ZSCAN25: variants seen among roughly 807,000 people sequenced by gnomAD.
ZSCAN25 encodes the protein zinc finger and SCAN domain containing 25, also known as zinc finger and SCAN domain-containing protein 25.
Under a neutral mutation model 38.7 loss-of-function variants are expected in ZSCAN25, and 27 were observed. That is an observed-to-expected ratio of 0.70 (90% CI 0.51 to 0.96). The LOEUF is 0.96. ZSCAN25 is among the 40% of genes least tolerant of loss of function. ZSCAN25 has a pLI of 0.00. For missense variants in ZSCAN25, 637 were observed against 705.9 expected, an observed-to-expected ratio of 0.90 and a Z score of 1.11; for synonymous variants, 273 against 277.7, an observed-to-expected ratio of 0.98 and a Z score of 0.17.
the ZSCAN25 span, chr7:99,647,999 C>G: frequency 1.0e-6 from 1 of 985,346 alleles, no homozygotes; most frequent in Non-Finnish European, 1.2e-6. Flanking sequence ...AATATTTATT[C>G]TCTGATGAGA....
the ZSCAN25 span, chr7:99,662,756 G>T: frequency 6.7e-7 from 1 of 1,493,416 alleles, no homozygotes; most frequent in Non-Finnish European, 9.3e-7. This position sits in a 1 kb window ranked among gnomAD's most constrained non-coding sequence, Gnocchi z 4.3. Context: ...CACATTTTCA[G>T]AACAAGGCCC....
the ZSCAN25 span, among the ~76,000 whole-genome samples, chr7:99,653,879 C>T: frequency 6.6e-6 from 1 of 152,204 alleles, no homozygotes; most frequent in African/African-American, 2.4e-5. The surrounding 1 kb of genome is among the most constrained non-coding windows in gnomAD (Gnocchi z 4.2). Flanking sequence ...TACCCTGGTT[C>T]CTAGCTTGGC....
At chr7:99,735,277 G>T in the ZSCAN25 span, 3 of 741,624 alleles carry the variant, frequency 4.0e-6, no homozygotes, top group Non-Finnish European at 4.5e-6. Flanking sequence ...GGGCCCCCGT[G>T]CTCTGCCTGC....
At chr7:99,734,580 A>G in the ZSCAN25 span, among the ~76,000 whole-genome samples, 1 of 150,582 alleles carries the variant, frequency 6.6e-6, no homozygotes, top group Non-Finnish European at 1.5e-5. Flanking sequence ...AGCATCCAAC[A>G]CTTAAGCTAC....
At position 99,629,461 on chromosome 7, in the gene ZSCAN25, G is replaced by A. The variant is rs1003559375; in HGVS notation, c.1076G>A (p.Arg359Gln). 8.1e-6 allele frequency: 13 copies of A among 1,614,226 alleles called. No homozygotes were observed. Among genetic ancestry groups the A allele is most frequent in the Admixed American group, 3.3e-5 (2 of 60,034 alleles). ...CCTGAGTGTGGGAAAGGATTCAGTC[G>A]GAGCTCCAATCTCGTCAGGCACCAG... Reference protein sequence around the residue: ...QCPECGKGFSRSSNLVRHQRT... With the variant: ...QCPECGKGFSQSSNLVRHQRT... The change falls in exon 8 of 8, where the codon CGG becomes CAG. Residue 359 changes from arginine (R) to glutamine (Q), a missense_variant. Transcript: ENST00000394152. This position sits in a 1 kb window ranked among gnomAD's most constrained non-coding sequence, Gnocchi z 5.6.
chr7:99,647,095 T>C, the ZSCAN25 span, among the ~76,000 whole-genome samples: 2 of 152,240 alleles, frequency 1.3e-5, no homozygotes, highest in African/African-American at 4.8e-5. Flanking sequence ...CCCTTCTATG[T>C]AGCCAACTCT....
the ZSCAN25 span, chr7:99,722,250 C>A: frequency 7.6e-5 from 123 of 1,610,908 alleles, no homozygotes; most frequent in Non-Finnish European, 1.0e-4. Context: ...GGGGTAAACT[C>A]ATCATAGAAA....
chr7:99,688,086 A>G, the ZSCAN25 span, among the ~76,000 whole-genome samples: 1 of 152,256 alleles, frequency 6.6e-6, no homozygotes, highest in Non-Finnish European at 1.5e-5. Flanking sequence ...GGTAAAGACC[A>G]TCAAGGCTAG....
chr7:99,666,647 T>G, the ZSCAN25 span: 2 of 1,614,056 alleles, frequency 1.2e-6, no homozygotes, highest in South Asian at 1.1e-5. Flanking sequence ...CGCCTCAAGT[T>G]TCTCACCAAT....
chr7:99,621,614 A>G (rs776094111), intron 5 of ZSCAN25, 40 bp downstream of exon 5: 1 of 1,321,808 alleles, frequency 7.6e-7, no homozygotes, highest in South Asian at 2.3e-5. Context: ...AGGTCATAGG[A>G]AACAGTGCTG....
In ZSCAN25 at chr7:99,631,812, T is replaced by G; in HGVS notation, c.*1792T>G. On this transcript the variant is annotated 3_prime_UTR_variant, in exon 8 of 8. Transcript: ENST00000394152. ...GCTGTGCCCACGAGGCTGCACTGAC[T>G]GGGTCGTAAATGTATCTGAGATGTC... 9.1e-6 allele frequency: 9 copies of G among 985,258 alleles called. No homozygotes were observed. Among genetic ancestry groups the G allele is most frequent in the Non-Finnish European group, 1.1e-5 (9 of 829,922 alleles). 61.0% of individuals were successfully genotyped at this position (985,258 alleles called of 1,614,324 possible).
chr7:99,651,080 A>G, the ZSCAN25 span, among the ~76,000 whole-genome samples: 1 of 152,150 alleles, frequency 6.6e-6, no homozygotes, highest in East Asian at 1.9e-4. Context: ...TTTACAGGCT[A>G]TTGCTTCAAA....
chr7:99,620,654 G>A (rs1182962073), intron 4 of ZSCAN25: 3 of 152,272 alleles, frequency 2.0e-5, no homozygotes, highest in Non-Finnish European at 4.4e-5. Flanking sequence ...AGAATCCTAA[G>A]AGAATTTTTT....
At chr7:99,641,133 G>A in the ZSCAN25 span, among the ~76,000 whole-genome samples, 93 of 152,262 alleles carry the variant, frequency 6.1e-4, 1 homozygote, top group South Asian at 1.9e-3. Flanking sequence ...GTCTGTTCTC[G>A]TGCTGCTATA....
intron 7 of ZSCAN25, among the ~76,000 whole-genome samples, chr7:99,627,270 G>C (rs181252575): frequency 6.6e-6 from 1 of 152,134 alleles, no homozygotes; most frequent in East Asian, 1.9e-4. Flanking sequence ...ACATAAATTC[G>C]ATATATGTAA....
At chr7:99,638,681 T>C in the ZSCAN25 span, 3 of 1,534,504 alleles carry the variant, frequency 2.0e-6, no homozygotes, top group African/African-American at 2.7e-5. Flanking sequence ...ATTTACAGGA[T>C]TGTTGTCTTG....
chr7:99,672,465 A>G, the ZSCAN25 span: 3 of 879,690 alleles, frequency 3.4e-6, no homozygotes, highest in African/African-American at 1.7e-5. Flanking sequence ...TGAAGAGTAC[A>G]TGGAACCTTC....
At chr7:99,694,839 A>G in the ZSCAN25 span, among the ~76,000 whole-genome samples, 5 of 152,202 alleles carry the variant, frequency 3.3e-5, no homozygotes, top group African/African-American at 1.2e-4. Context: ...TAGACAGAGC[A>G]TCAGACCAGG....
At chr7:99,672,538 G>A in the ZSCAN25 span, 1 of 1,503,606 alleles carries the variant, frequency 6.7e-7, no homozygotes, top group South Asian at 1.1e-5. Context: ...AATTTAATCA[G>A]TGGATCAATC....
Sources: gnomAD v4.1 joint callset for allele counts (sites outside exome capture counted in the v4.1 genomes callset) on GRCh38, gnomAD v4.1.1 for gene constraint, Gnocchi (gnomAD v3.1) non-coding constraint, MANE v1.5 for transcripts, NCBI Gene and HGNC (gene_info 2026-07-23, HGNC 2026-07-21) for gene names.